The following LUZP2 variants were observed in gnomAD, a reference collection of about 807,000 sequenced individuals.
The protein encoded by LUZP2 is leucine zipper protein 2.
A neutral mutation model predicts 51.6 loss-of-function variants in LUZP2; 52 were observed. The observed-to-expected ratio is 1.01, with a 90% confidence interval of 0.81 to 1.27. LUZP2 has a LOEUF of 1.27. LUZP2 is among the 50% of genes most tolerant of loss of function. The pLI is 0.00. For missense variants in LUZP2, 436 were observed against 395.4 expected (o/e 1.10, Z -0.87); for synonymous variants, 154 against 137.3 (o/e 1.12, Z -0.85).
At chr11:25,068,471 TG>T (rs1554962878) in intron 10 of LUZP2, among the ~76,000 whole-genome samples, 2 of 151,984 alleles carry the variant, frequency 1.3e-5, no homozygotes, top group Non-Finnish European at 2.9e-5. Flanking sequence ...TTCAACTTCT[TG>T]TCAGCCATAT....
intron 7 of LUZP2, among the ~76,000 whole-genome samples, chr11:24,917,073 T>A (rs1312411571): frequency 6.6e-6 from 1 of 152,216 alleles, no homozygotes; most frequent in Non-Finnish European, 1.5e-5. Context: ...TTTGCATTTC[T>A]CTGATGGCCA....
At chr11:24,711,672 A>T (rs556858980) in intron 1 of LUZP2, among the ~76,000 whole-genome samples, 1 of 152,192 alleles carries the variant, frequency 6.6e-6, no homozygotes, top group Admixed American at 6.5e-5. Context: ...TGATTTCTTT[A>T]TACACACACC....
chr11:24,850,768 C>A (rs192699359), intron 5 of LUZP2, among the ~76,000 whole-genome samples: 1 of 152,132 alleles, frequency 6.6e-6, no homozygotes, highest in Admixed American at 6.5e-5. Context: ...AATATTTTTC[C>A]ATTTGTTTGT....
chr11:24,714,825 C>A (rs959924071), intron 1 of LUZP2, among the ~76,000 whole-genome samples: 1 of 152,124 alleles, frequency 6.6e-6, no homozygotes, highest in African/African-American at 2.4e-5. Context: ...GGAGGCATCA[C>A]CTTCTGTGCA....
chr11:24,920,337 A>C (rs1287821196), intron 7 of LUZP2, among the ~76,000 whole-genome samples: 1 of 152,020 alleles, frequency 6.6e-6, no homozygotes, highest in Non-Finnish European at 1.5e-5. Flanking sequence ...TTAAAAATAT[A>C]CTATAGTGAT....
At chr11:24,832,903 A>G (rs576154191) in intron 5 of LUZP2, among the ~76,000 whole-genome samples, 1 of 147,426 alleles carries the variant, frequency 6.8e-6, no homozygotes, top group African/African-American at 2.5e-5. Flanking sequence ...CCCCTGTATA[A>G]TGAGTATGAT....
At chr11:24,634,641 A>G (rs1460493984) in intron 1 of LUZP2, among the ~76,000 whole-genome samples, 1 of 152,026 alleles carries the variant, frequency 6.6e-6, no homozygotes, top group Admixed American at 6.6e-5. Context: ...TCAAAAAAAA[A>G]AAAAAGTAAA....
chr11:24,645,985 T>C (rs1009104687), intron 1 of LUZP2, among the ~76,000 whole-genome samples: 2 of 152,098 alleles, frequency 1.3e-5, no homozygotes, highest in Non-Finnish European at 2.9e-5. Context: ...ATAGGGGTCC[T>C]GGAGGATGGC....
intron 5 of LUZP2, among the ~76,000 whole-genome samples, chr11:24,813,875 C>A (rs1018493805): frequency 6.6e-6 from 1 of 152,178 alleles, no homozygotes; most frequent in African/African-American, 2.4e-5. Flanking sequence ...ATGTTCAAAT[C>A]CTAACCTTCC....
chr11:24,724,313 T>C (rs777099470), intron 1 of LUZP2, among the ~76,000 whole-genome samples: 6 of 152,154 alleles, frequency 3.9e-5, no homozygotes, highest in Non-Finnish European at 8.8e-5. Context: ...CTCACACCTC[T>C]AATCCCAGCA....
intron 5 of LUZP2, among the ~76,000 whole-genome samples, chr11:24,778,252 T>A (rs1185300055): frequency 6.6e-6 from 1 of 151,564 alleles, no homozygotes; most frequent in Non-Finnish European, 1.5e-5. Context: ...AATAAAAAAA[T>A]AAAAAATAAA....
At chr11:24,848,846 A>G (rs562894888) in intron 5 of LUZP2, among the ~76,000 whole-genome samples, 7 of 152,294 alleles carry the variant, frequency 4.6e-5, no homozygotes, top group East Asian at 1.9e-4. Context: ...CACAAAAACC[A>G]TAATATCATC....
chr11:24,935,495 T>C (rs1854562287), intron 7 of LUZP2, among the ~76,000 whole-genome samples: 1 of 152,184 alleles, frequency 6.6e-6, no homozygotes, highest in Non-Finnish European at 1.5e-5. Context: ...TCAGATGACA[T>C]TTTAGGTTCT....
At chr11:24,858,235 G>C (rs1485449412) in intron 5 of LUZP2, among the ~76,000 whole-genome samples, 2 of 152,040 alleles carry the variant, frequency 1.3e-5, no homozygotes, top group Non-Finnish European at 2.9e-5. Flanking sequence ...TCTTTTTCTT[G>C]ACTTCCTGAA....
chr11:24,527,565 T>A (rs547916593), intron 1 of LUZP2, among the ~76,000 whole-genome samples: 17,107 of 124,238 alleles, frequency 0.14, 1,262 homozygotes, highest in African/African-American at 0.23. Context: ...TCTCTCTCTC[T>A]CTCACACACA....
chr11:25,024,329 T>C (rs1467467067), intron 9 of LUZP2, among the ~76,000 whole-genome samples: 2 of 151,880 alleles, frequency 1.3e-5, no homozygotes, highest in African/African-American at 4.9e-5. Context: ...ATAAAGTGTA[T>C]TCAATTAGGA....
chr11:24,867,068 C>T, intron 5 of LUZP2, among the ~76,000 whole-genome samples: 1 of 152,102 alleles, frequency 6.6e-6, no homozygotes, highest in East Asian at 1.9e-4. Context: ...CATTAGCAGG[C>T]AACCCAATCA....
intron 5 of LUZP2, among the ~76,000 whole-genome samples, chr11:24,841,127 G>A (rs1851016813): frequency 6.6e-6 from 1 of 151,652 alleles, no homozygotes; most frequent in Non-Finnish European, 1.5e-5. Flanking sequence ...AATGTCCAAT[G>A]GGATGGTATT....
intron 5 of LUZP2, among the ~76,000 whole-genome samples, chr11:24,878,361 T>C (rs1051703028): frequency 6.6e-6 from 1 of 152,108 alleles, no homozygotes; most frequent in African/African-American, 2.4e-5. Context: ...TTTAAGTATG[T>C]CATACCACTC....
Sources: allele counts gnomAD v4.1 joint callset (sites outside exome capture counted in the v4.1 genomes callset), GRCh38; gene constraint gnomAD v4.1.1; transcripts MANE v1.5; gene names NCBI Gene and HGNC (gene_info 2026-07-23, HGNC 2026-07-21).